Variants in ADD3 observed in about 807,000 individuals in gnomAD.
The protein encoded by ADD3 is adducin 3, also known as gamma-adducin.
Under a neutral mutation model 80.2 loss-of-function variants are expected in ADD3, and 25 were observed. The observed-to-expected ratio is 0.31, with a 90% CI of 0.23 to 0.44. ADD3 has a LOEUF of 0.44. Among genes scored for constraint, ADD3 ranks in the 20% least tolerant of loss-of-function variants. ADD3 has a pLI of 1.00. For missense variants in ADD3, 829 were observed against 847.5 expected (o/e 0.98, Z 0.27); for synonymous variants, 284 against 289.6 (o/e 0.98, Z 0.20).
intron 1 of ADD3, among the ~76,000 whole-genome samples, chr10:110,095,062 A>C (rs1187646219): frequency 6.6e-6 from 1 of 152,196 alleles, no homozygotes; most frequent in Admixed American, 6.5e-5. Flanking sequence ...AATAATGCAA[A>C]CCAGATTTAT....
At chr10:110,046,839 T>C (rs563370368) in intron 1 of ADD3, among the ~76,000 whole-genome samples, 4 of 152,310 alleles carry the variant, frequency 2.6e-5, no homozygotes, top group African/African-American at 9.6e-5. Context: ...TTTGGAAATA[T>C]TTGGTTTGAA....
intron 1 of ADD3, among the ~76,000 whole-genome samples, chr10:110,070,572 A>G (rs1424160361): frequency 1.3e-5 from 2 of 152,222 alleles, no homozygotes; most frequent in African/African-American, 2.4e-5. Context: ...GTAAACTGAA[A>G]TCCCTCTAAT....
chr10:110,019,424 G>A (rs560185516), intron 1 of ADD3, among the ~76,000 whole-genome samples: 5 of 149,512 alleles, frequency 3.3e-5, no homozygotes, highest in East Asian at 3.9e-4. Flanking sequence ...GCGCCATCTC[G>A]GCTCACTGCA....
chr10:110,031,198 C>T (rs560646421), intron 1 of ADD3, among the ~76,000 whole-genome samples: 33 of 152,102 alleles, frequency 2.2e-4, no homozygotes, highest in African/African-American at 2.7e-4. Context: ...CCCTTGAACC[C>T]GGAGGGGGAG....
intron 2 of ADD3, among the ~76,000 whole-genome samples, chr10:110,109,931 G>A (rs765907192): frequency 1.5e-4 from 23 of 152,240 alleles, no homozygotes; most frequent in Non-Finnish European, 2.8e-4. Context: ...GTATATCTTT[G>A]TAGAGGATAT....
At chr10:110,132,226 T>C in intron 13 of ADD3, 79 bp from the exon 14 acceptor site, 4 of 885,666 alleles carry the variant, frequency 4.5e-6, no homozygotes, top group Non-Finnish European at 7.4e-6. Context: ...AGGCATTTGA[T>C]GTATGCACTA....
At chr10:110,069,899 CTG>C (rs1265851816) in intron 1 of ADD3, among the ~76,000 whole-genome samples, 3 of 152,202 alleles carry the variant, frequency 2.0e-5, no homozygotes, top group African/African-American at 7.2e-5. Flanking sequence ...TGACACAAAA[CTG>C]TGGTTCGCTA....
At chr10:110,127,746 CA>C (rs1253221112) in intron 12 of ADD3, among the ~76,000 whole-genome samples, 3 of 152,234 alleles carry the variant, frequency 2.0e-5, no homozygotes, top group African/African-American at 7.2e-5. Context: ...AGGCCAGCTG[CA>C]CAGGTTCATC....
intron 1 of ADD3, chr10:110,077,071 T>C (rs983638601): frequency 6.6e-6 from 1 of 152,226 alleles, no homozygotes; most frequent in Non-Finnish European, 1.5e-5. Context: ...GCAACAGAAT[T>C]GCCACACAAA....
intron 9 of ADD3, chr10:110,123,768 G>C (rs7906734): frequency 0.065 from 29,393 of 449,084 alleles, 6,319 homozygotes; most frequent in African/African-American, 0.49. Context: ...AGAACTGTTC[G>C]TTTGTCGGGA....
chr10:110,053,324 GA>G (rs1475210800), intron 1 of ADD3, among the ~76,000 whole-genome samples: 1 of 151,864 alleles, frequency 6.6e-6, no homozygotes, highest in Non-Finnish European at 1.5e-5. Context: ...AATGATAATG[GA>G]ATATAAAATA....
intron 1 of ADD3, among the ~76,000 whole-genome samples, chr10:110,064,008 C>T (rs1324701826): frequency 6.6e-6 from 1 of 151,928 alleles, no homozygotes; most frequent in South Asian, 2.1e-4. Flanking sequence ...AATATCTACT[C>T]TTTTGTCTCC....
At chr10:110,072,699 G>A (rs1844878710) in intron 1 of ADD3, among the ~76,000 whole-genome samples, 1 of 152,224 alleles carries the variant, frequency 6.6e-6, no homozygotes, top group Non-Finnish European at 1.5e-5. Flanking sequence ...ATCTTCTGAA[G>A]CATGAACACC....
rs186458006 is a variant in ADD3, at chr10:110,045,040, C to T, written c.-30+36741C>T. 1.9e-3 allele frequency among the ~76,000 whole-genome samples: 283 copies of T among 152,260 alleles called. 1 individual carries two copies. The highest frequency in any genetic ancestry group is 4.6e-3 in the Admixed American group (71 of 15,286). ...TGGTTACTTAGTAGAAAATACTTTT[C>T]CGAAACACTGGGTAGTTTGAAGTAA... On this transcript the variant is annotated intron_variant, in intron 1 of 14. Coordinates refer to ENST00000356080, the MANE Select transcript of ADD3 (RefSeq NM_016824.5).
In ADD3 at chr10:110,100,546, A is replaced by G. The variant is rs1315744290; in HGVS notation, c.-29-79A>G. The G allele has an allele frequency of 2.5e-5, 24 of 947,560 alleles. No homozygotes were observed. The Admixed American group carries it at 7.7e-4, about 31-fold the overall frequency. 58.7% of individuals were successfully genotyped at this position (947,560 alleles called of 1,614,324 possible). On this transcript the variant is annotated intron_variant, in intron 1 of 14. Transcript: ENST00000356080. ...CCTGTTAACTCTGAGGGCAAAATGT[A>G]AAAGTTCTGCTTGACCCATGTAAAT...
rs1420568628 is a variant in ADD3 at position 110,133,905 on chromosome 10, C to T, written c.*287C>T. 1.4e-5 allele frequency: 3 copies of T among 212,900 alleles called. No individual in the cohort carries two copies. The Admixed American group carries it at 1.7e-4, about 12-fold the overall frequency. 13.2% of individuals were successfully genotyped at this position (212,900 alleles called of 1,614,324 possible). On this transcript the variant is annotated 3_prime_UTR_variant, in exon 15 of 15. Transcript: ENST00000356080. The stretch of plus-strand genomic sequence containing the variant: ...AAACAGCTATCTGTCTGAATTACTT[C>T]AGGCCTTCTCCATAATATCTGTTAG...
intron 1 of ADD3, among the ~76,000 whole-genome samples, chr10:110,096,554 G>C (rs1848183215): frequency 2.6e-5 from 4 of 152,150 alleles, no homozygotes; most frequent in African/African-American, 9.7e-5. Flanking sequence ...CACCTTACCT[G>C]CTTTTACCTG....
chr10:110,053,704 G>T (rs1427313190), intron 1 of ADD3, among the ~76,000 whole-genome samples: 1 of 151,958 alleles, frequency 6.6e-6, no homozygotes, highest in Non-Finnish European at 1.5e-5. Context: ...GAGGATTATT[G>T]TTCTCATCAA....
intron 1 of ADD3, among the ~76,000 whole-genome samples, chr10:110,045,006 G>A (rs1487818938): frequency 2.0e-5 from 3 of 152,216 alleles, no homozygotes; most frequent in African/African-American, 4.8e-5. Context: ...AAGGTGTTGG[G>A]GGACTAGTTG....
Sources: allele counts gnomAD v4.1 joint callset (sites outside exome capture counted in the v4.1 genomes callset), GRCh38; gene constraint gnomAD v4.1.1; transcripts MANE v1.5; gene names NCBI Gene and HGNC (gene_info 2026-07-23, HGNC 2026-07-21).